The following FAXC variants were observed in gnomAD, a reference collection of about 807,000 sequenced individuals.
FAXC encodes the protein failed axon connections homolog.
In FAXC, 10 loss-of-function variants were observed where a neutral mutation model predicts 41.9. The observed-to-expected ratio is 0.24, with a 90% CI of 0.15 to 0.41. FAXC has a LOEUF of 0.41. Among genes scored for constraint, FAXC ranks in the 10% least tolerant of loss-of-function variants. The probability of loss-of-function intolerance (pLI) is 1.00; values close to 1 mark genes in which losing one functional copy is unlikely to be tolerated. For missense variants in FAXC, 399 were observed against 510.9 expected, an observed-to-expected ratio of 0.78 and a Z score of 2.11; for synonymous variants, 183 against 183.8, an observed-to-expected ratio of 1.00 and a Z score of 0.03.
rs1291111036 is a variant in FAXC, at chr6:99,323,558, T to C, written c.709A>G (p.Ile237Val). The change falls in exon 4 of 6, where the codon ATA becomes GTA. Residue 237 changes from isoleucine to valine, a missense_variant. By Grantham distance (29) the Ile-to-Val change is conservative. This residue lies in a region of FAXC where 239 missense variants were observed against 352.7 expected (regional missense o/e 0.68). Coordinates refer to ENST00000389677, the MANE Select transcript of FAXC (RefSeq NM_032511.4). ...TCGCGTTTCACAATTCCTTTCGTTA[T>C]GTGGCACACAACCCACCTCAGCAGG... The part of the protein sequence containing the change: ...SNLLRWVVCH[I>V]TKGIVKREMH... 40 of 1,614,100 alleles carry C rather than the reference T, an allele frequency of 2.5e-5. 1 individual carries two copies. Among genetic ancestry groups the C allele is most frequent in the Non-Finnish European group, 8.5e-7 (1 of 1,180,050 alleles).
intron 1 of FAXC, among the ~76,000 whole-genome samples, chr6:99,347,892 G>C (rs1260290382): frequency 2.6e-5 from 4 of 152,332 alleles, no homozygotes; most frequent in Non-Finnish European, 5.9e-5. Flanking sequence ...TCAAGGCAAT[G>C]TGTTGAGAGA....
In FAXC at chr6:99,280,268, A is replaced by C. The variant is rs754752235; in HGVS notation, c.*896T>G. The C allele has an allele frequency of 1.3e-5, 2 of 152,252 alleles. No individual in the cohort carries two copies. Among genetic ancestry groups the C allele is most frequent in the Non-Finnish European group, 2.9e-5 (2 of 68,040 alleles). 9.4% of individuals were successfully genotyped at this position (152,252 alleles called of 1,614,324 possible). A position where few individuals can be genotyped will look rare whatever the true frequency, so the allele number is the denominator to read the frequency against. ...GATTCAGCCAAGATTACAGAAAGGAATCATGACAAAGTCCTAAGTGTACCT... is the reference window on the plus strand; with the variant it reads ...GATTCAGCCAAGATTACAGAAAGGACTCATGACAAAGTCCTAAGTGTACCT... On this transcript the variant is annotated 3_prime_UTR_variant, in exon 6 of 6. Coordinates refer to ENST00000389677, the MANE Select transcript of FAXC (RefSeq NM_032511.4).
intron 2 of FAXC, 150 bp downstream of exon 2, chr6:99,342,748 T>C (rs924687511): frequency 6.6e-5 from 40 of 604,398 alleles, no homozygotes; most frequent in Non-Finnish European, 1.6e-5. Flanking sequence ...AAGTATTTTA[T>C]TTCCCTCTTA....
intron 4 of FAXC, among the ~76,000 whole-genome samples, chr6:99,322,637 G>A (rs1240587605): frequency 3.9e-5 from 6 of 152,172 alleles, no homozygotes. Context: ...CTGTACATTA[G>A]CTATCCCCCA....
At chr6:99,308,315 C>G (rs1035555154) in intron 4 of FAXC, among the ~76,000 whole-genome samples, 8 of 152,122 alleles carry the variant, frequency 5.3e-5, no homozygotes, top group African/African-American at 1.4e-4. Context: ...TTTATTCTTA[C>G]AAGTGATTAA....
chr6:99,285,359 T>C (rs1770995268), intron 5 of FAXC, among the ~76,000 whole-genome samples: 1 of 152,212 alleles, frequency 6.6e-6, no homozygotes, highest in Admixed American at 6.5e-5. Context: ...ATCTATGCTA[T>C]AGAATATTGT....
intron 5 of FAXC, among the ~76,000 whole-genome samples, chr6:99,287,050 A>G (rs1253991791): frequency 6.6e-6 from 1 of 152,232 alleles, no homozygotes; most frequent in African/African-American, 2.4e-5. Context: ...GTATATATTT[A>G]TAACAATATT....
chr6:99,317,484 C>T (rs1162026712), intron 4 of FAXC, among the ~76,000 whole-genome samples: 1 of 152,112 alleles, frequency 6.6e-6, no homozygotes, highest in Non-Finnish European at 1.5e-5. Context: ...CTAAAGAAAT[C>T]ATCCTGACAT....
intron 4 of FAXC, among the ~76,000 whole-genome samples, chr6:99,307,958 G>C (rs1413508103): frequency 6.6e-6 from 1 of 152,094 alleles, no homozygotes; most frequent in Non-Finnish European, 1.5e-5. Context: ...ACATTCACTG[G>C]AAAAATGGAT....
In FAXC at chr6:99,281,138, A is replaced by T; in HGVS notation, c.*26T>A. 1 of 1,083,876 alleles carries T rather than the reference A, an allele frequency of 9.2e-7. No individual in the cohort carries two copies. The highest frequency in any genetic ancestry group is 1.4e-6 in the Non-Finnish European group (1 of 698,970). The allele number at this position is 1,083,876 out of a possible 1,614,324, so 67.1% of individuals were successfully genotyped here. A position where few individuals can be genotyped will look rare whatever the true frequency, so the allele number is the denominator to read the frequency against. ...CCGACCCAGGGAGTGGCAGGTCCCAAGGAAGAGGGTCAGTGAGGCTGGACG... is the reference window on the plus strand; with the variant it reads ...CCGACCCAGGGAGTGGCAGGTCCCATGGAAGAGGGTCAGTGAGGCTGGACG... On this transcript the variant is annotated 3_prime_UTR_variant, in exon 6 of 6. Coordinates refer to ENST00000389677, the MANE Select transcript of FAXC (RefSeq NM_032511.4).
chr6:99,332,565 C>T (rs78440668), intron 3 of FAXC, among the ~76,000 whole-genome samples: 7,446 of 152,148 alleles, frequency 0.049, 549 homozygotes, highest in East Asian at 0.39. Context: ...CACATGGTAC[C>T]ACCGCCAGCT....
chr6:99,315,251 AAAAAAAAAAAAC>A (rs1202433821), intron 4 of FAXC, among the ~76,000 whole-genome samples: 13 of 138,300 alleles, frequency 9.4e-5, no homozygotes, highest in East Asian at 4.2e-4. Context: ...AAAAAAAAAA[AAAAAAAAAAAAC>A]CAGTAAATGT....
upstream of FAXC, chr6:99,349,775 C>T (rs1395977609): frequency 6.6e-6 from 1 of 152,078 alleles, no homozygotes; most frequent in Admixed American, 6.6e-5. Context: ...CCGGCCGCCT[C>T]CGCCGGGGCC....
At chr6:99,286,114 C>T (rs1771020629) in intron 5 of FAXC, among the ~76,000 whole-genome samples, 1 of 152,224 alleles carries the variant, frequency 6.6e-6, no homozygotes, top group Non-Finnish European at 1.5e-5. Flanking sequence ...TACTCAGCAC[C>T]TCCCTGTTCC....
chr6:99,346,363 C>G (rs2128466293), intron 1 of FAXC, among the ~76,000 whole-genome samples: 1 of 152,276 alleles, frequency 6.6e-6, no homozygotes, highest in Middle Eastern at 3.4e-3. Context: ...CTCTTCCTTC[C>G]TCTTCCTCCA....
intron 1 of FAXC, among the ~76,000 whole-genome samples, chr6:99,347,406 GAA>G (rs57714437): frequency 0.65 from 93,701 of 143,480 alleles, 30,648 homozygotes; most frequent in South Asian, 0.9. Flanking sequence ...AGTCTCAAAA[GAA>G]AAAAAAAAAA....
chr6:99,310,781 T>C (rs531605129), intron 4 of FAXC, among the ~76,000 whole-genome samples: 25 of 152,338 alleles, frequency 1.6e-4, no homozygotes, highest in African/African-American at 3.6e-4. Context: ...TAGATGTTCA[T>C]CCTTTTCCAC....
intron 3 of FAXC, among the ~76,000 whole-genome samples, chr6:99,328,152 T>A (rs1171503567): frequency 1.3e-5 from 2 of 152,166 alleles, no homozygotes; most frequent in Non-Finnish European, 2.9e-5. Flanking sequence ...CTGACTCCCA[T>A]GCACCCCATG....
At chr6:99,295,402 G>C (rs886568424) in intron 4 of FAXC, among the ~76,000 whole-genome samples, 4 of 152,212 alleles carry the variant, frequency 2.6e-5, no homozygotes, top group African/African-American at 4.8e-5. Flanking sequence ...GATGAGATTA[G>C]CATGTGAATT....
Sources: gnomAD v4.1 joint callset for allele counts (sites outside exome capture counted in the v4.1 genomes callset) on GRCh38, gnomAD v4.1.1 for gene constraint, gnomAD v4.1.1 regional missense constraint, MANE v1.5 for transcripts, NCBI Gene and HGNC (gene_info 2026-07-23, HGNC 2026-07-21) for gene names.